ENTPD7: variants seen among roughly 807,000 people sequenced by gnomAD.
The protein encoded by ENTPD7 is NTPDase 7.
Under a neutral mutation model 77.9 loss-of-function variants are expected in ENTPD7, and 53 were observed. That is an observed-to-expected ratio of 0.68 (90% CI 0.55 to 0.85). The LOEUF (loss-of-function observed/expected upper bound fraction) is 0.85. Among genes scored for constraint, ENTPD7 ranks in the 40% least tolerant of loss-of-function variants. ENTPD7 has a pLI of 0.00. For synonymous variants in ENTPD7, 248 were observed against 274.9 expected, an observed-to-expected ratio of 0.90 and a Z score of 0.97; for missense variants, 636 against 743.7, an observed-to-expected ratio of 0.86 and a Z score of 1.68.
At chr10:99,679,586 C>CT in intron 4 of ENTPD7, 120 bp downstream of exon 4, 1 of 1,421,120 alleles carries the variant, frequency 7.0e-7, no homozygotes, top group Non-Finnish European at 9.5e-7. Context: ...AGGGATATCT[C>CT]TTTCATTGTC....
chr10:99,665,410 G>C (rs2035537034), intron 3 of ENTPD7, among the ~76,000 whole-genome samples: 1 of 152,080 alleles, frequency 6.6e-6, no homozygotes, highest in Non-Finnish European at 1.5e-5. Flanking sequence ...CCATTTCCTG[G>C]AATCTTTTTT....
At position 99,660,216 on chromosome 10, in the gene ENTPD7, CAT is replaced by C. The variant is rs144049599; in HGVS notation, c.8+253_8+254del. ...AGCTCTGTAAAGTGCAAGGTTGTAA[CAT>C]TGATTCAGATTCGCATCTGAGCAAG... On this transcript the variant is annotated intron_variant, in intron 2 of 12. Coordinates refer to ENST00000370489, the MANE Select transcript of ENTPD7 (RefSeq NM_020354.5). The C allele has an allele frequency of 1.1e-3, 801 of 748,086 alleles. 4 individuals are homozygous for C. In the African/African-American group the frequency reaches 0.013, roughly 12 times the overall value. The allele number at this position is 748,086 out of a possible 1,614,324, so 46.3% of individuals were successfully genotyped here. A position where few individuals can be genotyped will look rare whatever the true frequency, so the allele number is the denominator to read the frequency against.
Position 99,709,923 on chromosome 10 carries a change from A to G in ENTPD7, c.*5240A>G. 1 of 985,458 alleles carries G rather than the reference A, an allele frequency of 1.0e-6. No homozygotes were observed. The highest frequency in any genetic ancestry group is 1.2e-6 in the Non-Finnish European group (1 of 829,912). The allele number at this position is 985,458 out of a possible 1,614,324, so 61.0% of individuals were successfully genotyped here. ...GCAATACGGAGATCCTTTTATTAGT[A>G]AAACTGAATCATTACTCATACTACA... On this transcript the variant is annotated 3_prime_UTR_variant, in exon 13 of 13. Transcript: ENST00000370489.
rs2036235294 is a variant in ENTPD7, at chr10:99,705,551, C to T, written c.*868C>T. ...CTGGGCCTGTTTTTGTGAGCCCTTA[C>T]ACAGGAAGATATAAAGAGAGTTCTT... is the stretch of plus-strand genomic sequence containing the variant. On this transcript the variant is annotated 3_prime_UTR_variant, in exon 13 of 13. Transcript: ENST00000370489. 1 of 152,110 alleles carries T rather than the reference C, an allele frequency of 6.6e-6. No individual in the cohort carries two copies. 9.4% of individuals were successfully genotyped at this position (152,110 alleles called of 1,614,324 possible). A position where few individuals can be genotyped will look rare whatever the true frequency, so the allele number is the denominator to read the frequency against.
At position 99,660,530 on chromosome 10, in the gene ENTPD7, A is replaced by G. The variant is rs749150110; in HGVS notation, c.8+566A>G. 91 of 18,402 alleles carry G rather than the reference A, an allele frequency of 4.9e-3. 1 individual carries two copies. The highest frequency in any genetic ancestry group is 8.8e-3 in the South Asian group (33 of 3,746). 1.1% of individuals were successfully genotyped at this position (18,402 alleles called of 1,614,324 possible). A position where few individuals can be genotyped will look rare whatever the true frequency, so the allele number is the denominator to read the frequency against. ...TAAAACCGAGGGAATGGATACGCAC[A>G]CACACACACACACACACACACACAC... On this transcript the variant is annotated intron_variant, in intron 2 of 12. Transcript: ENST00000370489.
Position 99,710,110 on chromosome 10 carries a change from A to T in ENTPD7, c.*5427A>T. 5 of 985,454 alleles carry T rather than the reference A, an allele frequency of 5.1e-6. No individual in the cohort carries two copies. The African/African-American group carries it at 8.7e-5, about 17-fold the overall frequency. 61.0% of individuals were successfully genotyped at this position (985,454 alleles called of 1,614,324 possible). The stretch of plus-strand genomic sequence containing the variant: ...CCTGAGCCTCTTCTTTTAAAGGGCA[A>T]CCACTTGTATACCCTCTGGTGGCCA... On this transcript the variant is annotated 3_prime_UTR_variant, in exon 13 of 13. Coordinates refer to ENST00000370489, the MANE Select transcript of ENTPD7 (RefSeq NM_020354.5).
At chr10:99,685,961 G>A (rs2035806609) in intron 6 of ENTPD7, 66 bp downstream of exon 6, 2 of 1,019,288 alleles carry the variant, frequency 2.0e-6, no homozygotes, top group Admixed American at 2.1e-5. Context: ...CTCTCTAACG[G>A]GTGTTTAGAA....
In ENTPD7 at chr10:99,698,858, G is replaced by A. The variant is rs769743709; in HGVS notation, c.1335G>A (p.Gln445=). Residue 445 remains glutamine (Q), a splice_region_variant and synonymous_variant, in exon 10 of 13, where the codon CAG becomes CAA. Transcript: ENST00000370489. ...YHGPTFAKAA[Q]DYCGMAWSVL... is the part of the protein sequence containing the mutation. ...GGCCAACATTTGCCAAGGCTGCTCA[G>A]GTAAATTATTAATGATAAACATGGC... The A allele has an allele frequency of 1.9e-6, 3 of 1,587,630 alleles. No homozygotes were observed. The highest frequency in any genetic ancestry group is 2.6e-6 in the Non-Finnish European group (3 of 1,166,430).
chr10:99,659,962 T>G lies in ENTPD7; in HGVS notation c.6T>G (p.Ala2=). The G allele has an allele frequency of 6.2e-7, 1 of 1,613,806 alleles. No individual in the cohort carries two copies. Among genetic ancestry groups the G allele is most frequent in the Non-Finnish European group, 8.5e-7 (1 of 1,179,958 alleles). ...GAGACCACCGAAGGGAACCCATGGC[T>G]AGGTAAGGCTGCACACTTTCCCTCC... M[A]RISFSYLCPA... is the part of the protein sequence containing the mutation. Residue 2 remains alanine (A), a splice_region_variant and synonymous_variant, in exon 2 of 13, where the codon GCT becomes GCG. Transcript: ENST00000370489. This position sits in a 1 kb window ranked among gnomAD's most constrained non-coding sequence, Gnocchi z 4.1.
At position 99,660,427 on chromosome 10, in the gene ENTPD7, A is replaced by G. The variant is rs149912700; in HGVS notation, c.8+463A>G. 3.0e-4 allele frequency: 314 copies of G among 1,047,712 alleles called. 3 individuals carry two copies. In the African/African-American group the frequency reaches 4.9e-3, roughly 16 times the overall value. 64.9% of individuals were successfully genotyped at this position (1,047,712 alleles called of 1,614,324 possible). A position where few individuals can be genotyped will look rare whatever the true frequency, so the allele number is the denominator to read the frequency against. ...TTAAAAAATATTAATGTGGATCTAC[A>G]TGCACCAATAAGGGAAAGTTATAAA... On this transcript the variant is annotated intron_variant, in intron 2 of 12. Coordinates refer to ENST00000370489, the MANE Select transcript of ENTPD7 (RefSeq NM_020354.5).
chr10:99,670,978 G>A (rs1053264620), intron 3 of ENTPD7, among the ~76,000 whole-genome samples: 25 of 151,952 alleles, frequency 1.6e-4, no homozygotes, highest in African/African-American at 5.5e-4. Context: ...TAATTGCTCC[G>A]CTGCACTCCA....
intron 7 of ENTPD7, among the ~76,000 whole-genome samples, chr10:99,689,348 C>G (rs774101194): frequency 6.2e-4 from 95 of 152,202 alleles, no homozygotes; most frequent in Non-Finnish European, 8.7e-4. Flanking sequence ...TCTCTTTAGT[C>G]TCTTTTAATC....
In ENTPD7 at chr10:99,681,606, C is replaced by T. The variant is rs552622187; in HGVS notation, c.548+1731C>T. On this transcript the variant is annotated intron_variant, in intron 5 of 12. Transcript: ENST00000370489. Reference sequence around the variant, plus strand: ...CTATATTTTTAATTTTTTGAGGAACCTCCATACTGTTTTGCAGAGCTGCTG... The same window carrying T: ...CTATATTTTTAATTTTTTGAGGAACTTCCATACTGTTTTGCAGAGCTGCTG... Among the ~76,000 whole-genome samples, 10 of 152,192 alleles carry T rather than the reference C, an allele frequency of 6.6e-5. No individual in the cohort carries two copies. The East Asian group carries it at 1.7e-3, about 26-fold the overall frequency.
chr10:99,690,665 C>T (rs959180641), intron 7 of ENTPD7, among the ~76,000 whole-genome samples: 6 of 152,040 alleles, frequency 3.9e-5, no homozygotes, highest in Admixed American at 3.3e-4. Context: ...GCCTCAGCCC[C>T]CTGAGTAGTT....
chr10:99,666,821 C>G (rs937173491), intron 3 of ENTPD7, among the ~76,000 whole-genome samples: 9 of 152,124 alleles, frequency 5.9e-5, no homozygotes, highest in South Asian at 4.1e-4. Flanking sequence ...GAATACTGTA[C>G]TGAAAGTGAA....
chr10:99,676,256 T>C (rs1344854492), intron 3 of ENTPD7, among the ~76,000 whole-genome samples: 2 of 152,068 alleles, frequency 1.3e-5, no homozygotes, highest in African/African-American at 4.8e-5. Context: ...AATGAGTTTA[T>C]TTTATTTAAA....
intron 8 of ENTPD7, among the ~76,000 whole-genome samples, chr10:99,694,728 A>C (rs558582214): frequency 4.6e-5 from 7 of 151,640 alleles, no homozygotes; most frequent in African/African-American, 1.5e-4. Flanking sequence ...GTAGAGACGG[A>C]GTTTCACCAT....
At position 99,659,849 on chromosome 10, in the gene ENTPD7, CA is replaced by C. The variant is rs1327365344; in HGVS notation, c.-95-10del. On this transcript the variant is annotated splice_polypyrimidine_tract_variant and intron_variant, in intron 1 of 12. Coordinates refer to ENST00000370489, the MANE Select transcript of ENTPD7 (RefSeq NM_020354.5). The surrounding 1 kb of genome is among the most constrained non-coding windows in gnomAD (Gnocchi z 4.1). Reference sequence around the variant, plus strand: ...GCTCAGTCGGACAGAAGCCTGAAATCAAATCTTTCTAGGCTGCAGACGTAGG... The same window carrying C: ...GCTCAGTCGGACAGAAGCCTGAAATCAATCTTTCTAGGCTGCAGACGTAGG... 5 of 1,519,576 alleles carry C rather than the reference CA, an allele frequency of 3.3e-6. No homozygotes were observed. The highest frequency in any genetic ancestry group is 4.5e-6 in the Non-Finnish European group (5 of 1,106,504). 94.1% of individuals were successfully genotyped at this position (1,519,576 alleles called of 1,614,324 possible).
Position 99,706,091 on chromosome 10 carries a change from A to G in ENTPD7, c.*1408A>G, listed in dbSNP as rs1436500329. 6.6e-6 allele frequency: 1 copy of G among 152,166 alleles called. No homozygotes were observed. The highest frequency in any genetic ancestry group is 1.5e-5 in the Non-Finnish European group (1 of 68,026). The allele number at this position is 152,166 out of a possible 1,614,324, so 9.4% of individuals were successfully genotyped here. On this transcript the variant is annotated 3_prime_UTR_variant, in exon 13 of 13. Coordinates refer to ENST00000370489, the MANE Select transcript of ENTPD7 (RefSeq NM_020354.5). Reference sequence around the variant, plus strand: ...ACCTTTGATTTTTGGGATTAGATTAATAGGGGAAAAAGTCCCTGGCTTTAA... The same window carrying G: ...ACCTTTGATTTTTGGGATTAGATTAGTAGGGGAAAAAGTCCCTGGCTTTAA...
Sources: allele counts gnomAD v4.1 joint callset (sites outside exome capture counted in the v4.1 genomes callset), GRCh38; gene constraint gnomAD v4.1.1; non-coding constraint Gnocchi (gnomAD v3.1); transcripts MANE v1.5; gene names NCBI Gene and HGNC (gene_info 2026-07-23, HGNC 2026-07-21).